Variants in CDH13 observed in about 807,000 individuals in gnomAD.
The protein encoded by CDH13 is cadherin-13.
CDH13 carries 24 observed loss-of-function variants against 63.8 expected under a neutral mutation model. The observed-to-expected ratio is 0.38, with a 90% CI of 0.27 to 0.53. CDH13 has a LOEUF of 0.53. CDH13 is among the 20% of genes least tolerant of loss of function. The pLI is 0.85. For synonymous variants in CDH13, 503 were observed against 355.3 expected (o/e 1.42, Z -4.67); for missense variants, 1,049 against 903.1 (o/e 1.16, Z -2.07).
At chr16:83,603,063 G>C (rs1387356085) in intron 8 of CDH13, among the ~76,000 whole-genome samples, 1 of 152,180 alleles carries the variant, frequency 6.6e-6, no homozygotes, top group African/African-American at 2.4e-5. Flanking sequence ...AGCTCATCCA[G>C]GAGAGCCATT....
chr16:82,991,674 A>C (rs1911675410), intron 2 of CDH13, among the ~76,000 whole-genome samples: 1 of 152,060 alleles, frequency 6.6e-6, no homozygotes. Context: ...TGGTAATCTC[A>C]AGCAACCGCT....
chr16:82,698,089 G>T (rs910337877), intron 1 of CDH13, among the ~76,000 whole-genome samples: 1 of 152,178 alleles, frequency 6.6e-6, no homozygotes, highest in Admixed American at 6.5e-5. Flanking sequence ...GAGACTCATG[G>T]AATTTAACTT....
At chr16:83,740,845 T>C (rs144839580) in intron 10 of CDH13, among the ~76,000 whole-genome samples, 2 of 152,354 alleles carry the variant, frequency 1.3e-5, no homozygotes, top group African/African-American at 4.8e-5. Flanking sequence ...CAACTCTTCT[T>C]GTCCACATCT....
intron 4 of CDH13, among the ~76,000 whole-genome samples, chr16:83,203,661 C>CAA (rs61444893): frequency 0.012 from 1,014 of 83,076 alleles, 50 homozygotes; most frequent in Middle Eastern, 0.026. Context: ...GACTCCATCT[C>CAA]AAAAAAAAAA....
chr16:82,775,988 T>C (rs962389871), intron 1 of CDH13, among the ~76,000 whole-genome samples: 1 of 152,086 alleles, frequency 6.6e-6, no homozygotes, highest in South Asian at 2.1e-4. Flanking sequence ...GGCCAGCAGA[T>C]CACTTGAGGC....
intron 5 of CDH13, among the ~76,000 whole-genome samples, chr16:83,241,271 A>C (rs1486985587): frequency 6.6e-6 from 1 of 152,130 alleles, no homozygotes; most frequent in East Asian, 1.9e-4. Context: ...CCACCTCTTG[A>C]CTATTGTAAA....
chr16:82,838,194 C>G (rs1369504128), intron 1 of CDH13, among the ~76,000 whole-genome samples: 3 of 152,238 alleles, frequency 2.0e-5, no homozygotes, highest in Non-Finnish European at 2.9e-5. Context: ...GTGTTCCCAT[C>G]ACTGAGTTCT....
chr16:83,789,126 T>C (rs181235810), intron 13 of CDH13, among the ~76,000 whole-genome samples: 291 of 152,190 alleles, frequency 1.9e-3, no homozygotes, highest in African/African-American at 6.7e-3. Flanking sequence ...TAATAAGACA[T>C]GTAAGAATCT....
chr16:82,681,295 G>C (rs1472268508), intron 1 of CDH13, among the ~76,000 whole-genome samples: 2 of 152,188 alleles, frequency 1.3e-5, no homozygotes, highest in Non-Finnish European at 2.9e-5. Flanking sequence ...GTCCAGAATA[G>C]GCAATTCCAT....
chr16:83,474,827 CTGTT>C (rs767817171), intron 6 of CDH13, among the ~76,000 whole-genome samples: 56 of 152,334 alleles, frequency 3.7e-4, no homozygotes, highest in Admixed American at 2.6e-4. Context: ...AGAGCAGTGA[CTGTT>C]TGACTTCTGC....
chr16:83,044,940 T>G (rs369059416), intron 3 of CDH13, among the ~76,000 whole-genome samples: 10 of 152,356 alleles, frequency 6.6e-5, no homozygotes, highest in East Asian at 3.9e-4. Context: ...GTACATTTTC[T>G]AGGCTCTCTG....
intron 7 of CDH13, among the ~76,000 whole-genome samples, chr16:83,571,714 A>G (rs1024311900): frequency 3.3e-5 from 5 of 152,120 alleles, no homozygotes; most frequent in South Asian, 2.1e-4. Flanking sequence ...TTCCTTCTCA[A>G]CTGTAATTCA....
intron 7 of CDH13, among the ~76,000 whole-genome samples, chr16:83,591,580 G>A (rs534430562): frequency 2.0e-5 from 3 of 152,192 alleles, no homozygotes; most frequent in African/African-American, 4.8e-5. Flanking sequence ...TGGCCCTGTT[G>A]CAGCCTGATG....
intron 5 of CDH13, among the ~76,000 whole-genome samples, chr16:83,300,651 A>G (rs940648257): frequency 2.6e-5 from 4 of 152,238 alleles, no homozygotes; most frequent in African/African-American, 9.6e-5. Context: ...AGAACCTAGT[A>G]TCTTGTCAAG....
At chr16:83,749,491 T>C (rs1041378858) in intron 11 of CDH13, among the ~76,000 whole-genome samples, 1 of 152,214 alleles carries the variant, frequency 6.6e-6, no homozygotes, top group Non-Finnish European at 1.5e-5. Context: ...AAAATAACTG[T>C]TGTGTCTGCT....
At chr16:83,312,967 C>G (rs777754109) in intron 5 of CDH13, among the ~76,000 whole-genome samples, 1 of 152,130 alleles carries the variant, frequency 6.6e-6, no homozygotes, top group Admixed American at 6.5e-5. Context: ...ATAAGTTTTC[C>G]CAGTGCTTGC....
intron 1 of CDH13, among the ~76,000 whole-genome samples, chr16:82,691,475 C>T (rs1567632026): frequency 2.0e-5 from 3 of 152,176 alleles, no homozygotes; most frequent in African/African-American, 4.8e-5. Flanking sequence ...ATTCTGAGGC[C>T]TGTGCCATTA....
intron 2 of CDH13, among the ~76,000 whole-genome samples, chr16:82,962,012 A>G (rs1262285510): frequency 6.6e-6 from 1 of 152,010 alleles, no homozygotes; most frequent in Admixed American, 6.6e-5. Context: ...ATGTAAATCC[A>G]TGGTAAAATA....
At chr16:83,692,802 G>T (rs957110600) in intron 10 of CDH13, among the ~76,000 whole-genome samples, 3 of 152,136 alleles carry the variant, frequency 2.0e-5, no homozygotes, top group Non-Finnish European at 4.4e-5. Context: ...GCACATAGCC[G>T]GCTGGGCACG....
Sources: allele counts gnomAD v4.1 joint callset (sites outside exome capture counted in the v4.1 genomes callset), GRCh38; gene constraint gnomAD v4.1.1; transcripts MANE v1.5; gene names NCBI Gene and HGNC (gene_info 2026-07-23, HGNC 2026-07-21).